Variants in PRKAR1B observed in about 807,000 individuals in gnomAD.
PRKAR1B encodes protein kinase cAMP-dependent type I regulatory subunit beta.
Under a neutral mutation model 46.5 loss-of-function variants are expected in PRKAR1B, and 22 were observed. That is an observed-to-expected ratio of 0.47 (90% confidence interval 0.34 to 0.68). PRKAR1B has a LOEUF of 0.68. PRKAR1B is among the 30% of genes least tolerant of loss of function. PRKAR1B has a pLI of 0.01. For synonymous variants in PRKAR1B, 259 were observed against 217.7 expected (o/e 1.19, Z -1.67); for missense variants, 445 against 535.6 (o/e 0.83, Z 1.67).
In PRKAR1B at chr7:607,430, G is replaced by C. The variant is rs776586095; in HGVS notation, c.463C>G (p.Pro155Ala). Reference sequence around the variant, plus strand: ...GTCTCCCCAGCGATGTGAGTGACAGGGAACATGGCATCGAATATGTCACTG... The same window carrying C: ...GTCTCCCCAGCGATGTGAGTGACAGCGAACATGGCATCGAATATGTCACTG... Reference protein sequence around the residue: ...ERSDIFDAMFPVTHIAGETVI... With the variant: ...ERSDIFDAMFAVTHIAGETVI... The change falls in exon 5 of 11, where the codon CCT becomes GCT. Residue 155 changes from proline to alanine, a missense_variant. Pro to Ala is a conservative substitution (Grantham distance 27). This residue lies in a region of PRKAR1B where 94 missense variants were observed against 126.9 expected (regional missense o/e 0.74). Coordinates refer to ENST00000537384, the MANE Select transcript of PRKAR1B (RefSeq NM_001164760.2). 21 of 1,613,898 alleles carry C rather than the reference G, an allele frequency of 1.3e-5. No homozygotes were observed. In the Admixed American group the frequency reaches 3.5e-4, roughly 27 times the overall value.
intron 4 of PRKAR1B, among the ~76,000 whole-genome samples, chr7:633,703 A>G (rs895255081): frequency 6.6e-6 from 1 of 152,186 alleles, no homozygotes; most frequent in African/African-American, 2.4e-5. Flanking sequence ...GCTGGGACGC[A>G]GGTTGGGCCC....
chr7:596,056 T>G, intron 7 of PRKAR1B, 90 bp downstream of exon 7: 1 of 1,494,824 alleles, frequency 6.7e-7, no homozygotes, highest in South Asian at 1.3e-5. Context: ...TTTCTCCAGG[T>G]GCATCCCCAC....
At chr7:575,761 G>A (rs1779783105) in intron 9 of PRKAR1B, among the ~76,000 whole-genome samples, 1 of 152,172 alleles carries the variant, frequency 6.6e-6, no homozygotes, top group Non-Finnish European at 1.5e-5. Context: ...TTTTAGTAGA[G>A]ATGGGGTCTC....
chr7:675,286 G>A (rs76302108), intron 4 of PRKAR1B, among the ~76,000 whole-genome samples: 404 of 152,362 alleles, frequency 2.7e-3, no homozygotes, highest in Middle Eastern at 0.01. Context: ...GAGCACAGCA[G>A]AGAACAATGC....
chr7:720,912 G>A (rs141998754), intron 1 of PRKAR1B, among the ~76,000 whole-genome samples: 1 of 152,158 alleles, frequency 6.6e-6, no homozygotes, highest in African/African-American at 2.4e-5. Context: ...GCGAACCTCT[G>A]TCTTCTAATT....
Position 714,789 on chromosome 7 carries a change from C to T in PRKAR1B, c.-22-3262G>A, listed in dbSNP as rs565956064. 6.6e-6 allele frequency among the ~76,000 whole-genome samples: 1 copy of T among 152,342 alleles called. No individual in the cohort carries two copies. The highest frequency in any genetic ancestry group is 1.5e-5 in the Non-Finnish European group (1 of 68,042). ...TCATTGCCAGAGGATGAAATCAACA[C>T]AGAAGTGGGAAGAAACAGGATCCTA... On this transcript the variant is annotated intron_variant, in intron 1 of 10. Transcript: ENST00000537384. This position sits in a 1 kb window ranked among gnomAD's most constrained non-coding sequence, Gnocchi z 4.3.
intron 9 of PRKAR1B, among the ~76,000 whole-genome samples, chr7:554,828 G>A (rs557051817): frequency 5.6e-5 from 8 of 143,294 alleles, no homozygotes; most frequent in East Asian, 2.1e-4. Flanking sequence ...CTGCAGAGCC[G>A]GAAGACAGGG....
chr7:624,570 T>C (rs1054552199), intron 4 of PRKAR1B, among the ~76,000 whole-genome samples: 1 of 152,162 alleles, frequency 6.6e-6, no homozygotes, highest in Non-Finnish European at 1.5e-5. Context: ...GCCATGAAGG[T>C]TTGAAATATG....
chr7:664,306 C>T (rs1416742293), intron 4 of PRKAR1B, among the ~76,000 whole-genome samples: 2 of 152,288 alleles, frequency 1.3e-5, no homozygotes, highest in East Asian at 1.9e-4. Flanking sequence ...CTATGTGGTC[C>T]CCGACACAGC....
intron 4 of PRKAR1B, among the ~76,000 whole-genome samples, chr7:647,914 C>T (rs956091352): frequency 6.7e-6 from 1 of 149,238 alleles, no homozygotes; most frequent in Non-Finnish European, 1.5e-5. Context: ...TAATCCGGTG[C>T]TTTGAGACGC....
intron 9 of PRKAR1B, among the ~76,000 whole-genome samples, chr7:576,554 C>T (rs977480023): frequency 6.6e-6 from 1 of 152,112 alleles, no homozygotes; most frequent in Non-Finnish European, 1.5e-5. Flanking sequence ...CATTCTGGGA[C>T]GTGGAGACGG....
intron 2 of PRKAR1B, among the ~76,000 whole-genome samples, chr7:707,204 A>G (rs959641574): frequency 6.6e-6 from 1 of 152,236 alleles, no homozygotes; most frequent in African/African-American, 2.4e-5. Context: ...CACATGTAGA[A>G]CACGCATGCA....
intron 9 of PRKAR1B, among the ~76,000 whole-genome samples, chr7:563,404 G>A (rs1175117774): frequency 1.3e-5 from 2 of 152,272 alleles, no homozygotes; most frequent in African/African-American, 4.8e-5. Context: ...CCACTGCTGA[G>A]AGCCCAGGCT....
At chr7:557,670 G>C (rs1020769873) in intron 9 of PRKAR1B, among the ~76,000 whole-genome samples, 2 of 152,192 alleles carry the variant, frequency 1.3e-5, no homozygotes, top group Admixed American at 1.3e-4. Flanking sequence ...CGTACCCTCA[G>C]TTTCCGGGAG....
intron 4 of PRKAR1B, among the ~76,000 whole-genome samples, chr7:664,844 G>T (rs1307182130): frequency 6.6e-6 from 1 of 152,154 alleles, no homozygotes; most frequent in Non-Finnish European, 1.5e-5. Flanking sequence ...AGCCCAGGAA[G>T]TCGAGGCTGC....
chr7:585,903 C>T (rs1189073269), intron 7 of PRKAR1B, among the ~76,000 whole-genome samples: 1 of 130,272 alleles, frequency 7.7e-6, no homozygotes, highest in Non-Finnish European at 1.6e-5. Flanking sequence ...TTTGCAAATT[C>T]CCGTAATGCC....
At chr7:555,386 C>T (rs1029827595) in intron 9 of PRKAR1B, among the ~76,000 whole-genome samples, 2 of 152,020 alleles carry the variant, frequency 1.3e-5, no homozygotes, top group African/African-American at 4.8e-5. Flanking sequence ...CTCTGGAATC[C>T]GGTTCTAAGT....
chr7:559,321 C>T (rs929692213), intron 9 of PRKAR1B, among the ~76,000 whole-genome samples: 5 of 152,148 alleles, frequency 3.3e-5, no homozygotes, highest in African/African-American at 7.2e-5. Flanking sequence ...CCGGAGAAGA[C>T]GTGGGGGCCG....
intron 8 of PRKAR1B, among the ~76,000 whole-genome samples, chr7:580,756 A>C (rs964243063): frequency 1.8e-3 from 248 of 139,950 alleles, no homozygotes; most frequent in African/African-American, 5.6e-3. Flanking sequence ...AAAAAAAAAA[A>C]AAAAAAACAA....
Sources: allele counts gnomAD v4.1 joint callset (sites outside exome capture counted in the v4.1 genomes callset), GRCh38; gene constraint gnomAD v4.1.1; regional missense constraint gnomAD v4.1.1; non-coding constraint Gnocchi (gnomAD v3.1); transcripts MANE v1.5; gene names NCBI Gene and HGNC (gene_info 2026-07-23, HGNC 2026-07-21).